The following USP45 variants were observed in gnomAD, a reference collection of about 807,000 sequenced individuals.
USP45 encodes the protein ubiquitin carboxyl-terminal hydrolase 45.
USP45 carries 89 observed loss-of-function variants against 95.8 expected under a neutral mutation model. The observed-to-expected ratio is 0.93, with a 90% CI of 0.78 to 1.11. USP45 has a LOEUF of 1.11. Ranked by LOEUF, USP45 falls within the 50% of genes least tolerant of loss-of-function variation. The probability of loss-of-function intolerance (pLI) is 0.00; values close to 1 mark genes in which losing one functional copy is unlikely to be tolerated. For synonymous variants in USP45, 281 were observed against 316.2 expected (o/e 0.89, Z 1.18); for missense variants, 898 against 942.5 (o/e 0.95, Z 0.62).
chr6:99,468,535 A>G lies in USP45; in HGVS notation c.1015+2T>C, dbSNP rs1454158660. On this transcript the variant is annotated splice_donor_variant, in intron 10 of 17. Transcript: ENST00000500704. LOFTEE classifies it high-confidence loss of function. ...AAAAGTTTTAACAAAGAGTCAACAT[A>G]CCTTTGACTTTTTTTCTAGTTTCAT... The G allele has an allele frequency of 6.3e-7, 1 of 1,584,902 alleles. No individual in the cohort carries two copies. The highest frequency in any genetic ancestry group is 8.6e-7 in the Non-Finnish European group (1 of 1,158,250).
At chr6:99,511,572 C>T (rs1478397931) in intron 1 of USP45, among the ~76,000 whole-genome samples, 1 of 152,040 alleles carries the variant, frequency 6.6e-6, no homozygotes, top group Non-Finnish European at 1.5e-5. Flanking sequence ...ACCTCAGCCT[C>T]CCAAGTAGCT....
At chr6:99,486,506 G>C (rs1437728880) in intron 7 of USP45, among the ~76,000 whole-genome samples, 2 of 151,754 alleles carry the variant, frequency 1.3e-5, no homozygotes, top group Non-Finnish European at 2.9e-5. Context: ...ATAGGGCATT[G>C]GAATCTATCA....
intron 4 of USP45, among the ~76,000 whole-genome samples, chr6:99,506,552 G>A (rs769582084): frequency 6.6e-6 from 1 of 152,046 alleles, no homozygotes; most frequent in East Asian, 1.9e-4. Context: ...CAAGTGATCC[G>A]CCCACCTCAG....
intron 9 of USP45, among the ~76,000 whole-genome samples, chr6:99,471,777 C>G (rs758729773): frequency 6.6e-6 from 1 of 152,150 alleles, no homozygotes; most frequent in Admixed American, 6.5e-5. Flanking sequence ...AACACTGTAG[C>G]CTTCCTTCAA....
At chr6:99,455,065 G>A (rs1293660206) in intron 13 of USP45, among the ~76,000 whole-genome samples, 4 of 148,698 alleles carry the variant, frequency 2.7e-5, no homozygotes, top group East Asian at 2.0e-4. Context: ...ACTCCAGCCC[G>A]GGTGACAGAG....
intron 13 of USP45, among the ~76,000 whole-genome samples, chr6:99,460,515 GGTTAA>G (rs1316142482): frequency 6.6e-6 from 1 of 152,056 alleles, no homozygotes; most frequent in Non-Finnish European, 1.5e-5. Context: ...AATTTACATA[GGTTAA>G]GTTGCCATTT....
intron 8 of USP45, among the ~76,000 whole-genome samples, chr6:99,481,009 G>A (rs1792266983): frequency 6.6e-6 from 1 of 152,192 alleles, no homozygotes; most frequent in African/African-American, 2.4e-5. Flanking sequence ...GGGAGGTTGA[G>A]CAGGGAGGCA....
chr6:99,468,743 T>C, intron 9 of USP45, 125 bp from the exon 10 acceptor site: 2 of 566,306 alleles, frequency 3.5e-6, no homozygotes, highest in Non-Finnish European at 5.9e-6. Flanking sequence ...GAAAATAAAA[T>C]GACCAAATTT....
intron 2 of USP45, among the ~76,000 whole-genome samples, chr6:99,509,105 T>C (rs1005718952): frequency 6.6e-6 from 1 of 152,212 alleles, no homozygotes; most frequent in Non-Finnish European, 1.5e-5. Flanking sequence ...GCTATACATG[T>C]ACTAAAATGG....
At chr6:99,501,430 T>A (rs1797329809) in intron 5 of USP45, among the ~76,000 whole-genome samples, 1 of 152,194 alleles carries the variant, frequency 6.6e-6, no homozygotes, top group South Asian at 2.1e-4. Context: ...ACCTCGTAAC[T>A]TCATCTCTTT....
chr6:99,460,920 C>T (rs928340373), intron 13 of USP45: 4 of 977,840 alleles, frequency 4.1e-6, no homozygotes, highest in Admixed American at 1.2e-4. Context: ...AAATAAACAA[C>T]AGATGGGATG....
At chr6:99,461,521 G>A (rs1429135683) in intron 13 of USP45, 11 of 985,140 alleles carry the variant, frequency 1.1e-5, no homozygotes, top group Admixed American at 6.2e-5. Flanking sequence ...TGGATTATTT[G>A]CCTGTTATCA....
intron 4 of USP45, 65 bp downstream of exon 4, chr6:99,507,363 T>C: frequency 3.5e-6 from 3 of 845,544 alleles, no homozygotes; most frequent in Non-Finnish European, 3.5e-6. Context: ...CTTAAAAGCT[T>C]AAAGAAAAAA....
At chr6:99,451,395 CAGAG>C (rs1389420965) in intron 13 of USP45, among the ~76,000 whole-genome samples, 5 of 152,042 alleles carry the variant, frequency 3.3e-5, no homozygotes, top group Non-Finnish European at 4.4e-5. Flanking sequence ...CAATAATAGA[CAGAG>C]AGCCAAATCA....
At chr6:99,490,487 AG>A (rs941166106) in intron 5 of USP45, among the ~76,000 whole-genome samples, 1 of 151,544 alleles carries the variant, frequency 6.6e-6, no homozygotes, top group African/African-American at 2.4e-5. Context: ...GCCAGCCCTT[AG>A]ATTTTATAGT....
At chr6:99,497,461 AGAGACAAC>A in intron 5 of USP45, among the ~76,000 whole-genome samples, 1 of 152,320 alleles carries the variant, frequency 6.6e-6, no homozygotes, top group East Asian at 1.9e-4. Context: ...GTGAGTAAAA[AGAGACAAC>A]TTGGTGCCCC....
At chr6:99,507,049 T>C (rs1408646387) in intron 4 of USP45, among the ~76,000 whole-genome samples, 1 of 152,016 alleles carries the variant, frequency 6.6e-6, no homozygotes, top group Non-Finnish European at 1.5e-5. Flanking sequence ...TCTACTAAAA[T>C]ACATAAAATT....
rs1160201419 is a variant in USP45 at position 99,437,256 on chromosome 6, T to C, written c.2304A>G (p.Lys768=). 1 of 1,602,936 alleles carries C rather than the reference T, an allele frequency of 6.2e-7. No individual in the cohort carries two copies. Among genetic ancestry groups the C allele is most frequent in the Non-Finnish European group, 8.5e-7 (1 of 1,177,340 alleles). The change falls in exon 17 of 18, where the codon AAA becomes AAG. Residue 768 remains lysine, a synonymous_variant. Coordinates refer to ENST00000500704, the MANE Select transcript of USP45 (RefSeq NM_001346022.3). ...CTTAGGATGGCATACCAGGCACATT[T>C]TTCTTTTTAGTGTTATGTTCCGATA... is the stretch of plus-strand genomic sequence containing the variant. ...RKLSEHNTKK[K]NVPGLKAADN...
intron 5 of USP45, among the ~76,000 whole-genome samples, chr6:99,499,418 A>C (rs150801865): frequency 1.3e-3 from 197 of 152,302 alleles, no homozygotes; most frequent in African/African-American, 4.4e-3. Flanking sequence ...TTGATTTTCC[A>C]AATATTTTAT....
Sources: allele counts gnomAD v4.1 joint callset (sites outside exome capture counted in the v4.1 genomes callset), GRCh38; gene constraint gnomAD v4.1.1; transcripts MANE v1.5; gene names NCBI Gene and HGNC (gene_info 2026-07-23, HGNC 2026-07-21).